ATP11A: variants seen among roughly 807,000 people sequenced by gnomAD.
The protein encoded by ATP11A is ATPase phospholipid transporting 11A.
Under a neutral mutation model 154.4 loss-of-function variants are expected in ATP11A, and 81 were observed. The ratio of observed to expected loss-of-function variants is 0.52; its 90% CI spans 0.44 to 0.63. The LOEUF is 0.63. ATP11A is among the 30% of genes least tolerant of loss of function. The pLI, the probability that ATP11A is intolerant of heterozygous loss-of-function variation, is 0.00. For synonymous variants in ATP11A, 623 were observed against 585.9 expected, an observed-to-expected ratio of 1.06 and a Z score of -0.91; for missense variants, 1,316 against 1,474.3, an observed-to-expected ratio of 0.89 and a Z score of 1.76.
chr13:112,873,485 G>C lies in ATP11A; in HGVS notation c.3058-88G>C, dbSNP rs941895963. ...GGTCTTGCGTTTGGTTTAGTTTCTCGTCACCCCCCGGCTCTCTGTCCTGCC... is the reference window on the plus strand; with the variant it reads ...GGTCTTGCGTTTGGTTTAGTTTCTCCTCACCCCCCGGCTCTCTGTCCTGCC... On this transcript the variant is annotated intron_variant, in intron 26 of 29. Coordinates refer to ENST00000375645, the MANE Select transcript of ATP11A (RefSeq NM_015205.3). 2.3e-5 allele frequency: 23 copies of C among 1,012,138 alleles called. No homozygotes were observed. In the African/African-American group the frequency reaches 2.8e-4, roughly 12 times the overall value. The allele number at this position is 1,012,138 out of a possible 1,614,324, so 62.7% of individuals were successfully genotyped here. A position where few individuals can be genotyped will look rare whatever the true frequency, so the allele number is the denominator to read the frequency against.
chr13:112,881,775 G>A lies in ATP11A; in HGVS notation c.*10-101G>A. 3 of 1,357,932 alleles carry A rather than the reference G, an allele frequency of 2.2e-6. No homozygotes were observed. The South Asian group carries it at 3.4e-5, about 16-fold the overall frequency. 84.1% of individuals were successfully genotyped at this position (1,357,932 alleles called of 1,614,324 possible). ...TCAGGTCACCCCAGGCAGCCCCGTG[G>A]GTATCCCTGAGACTGACCATGTGTC... is the stretch of plus-strand genomic sequence containing the variant. On this transcript the variant is annotated intron_variant, in intron 29 of 29. Transcript: ENST00000375645.
At chr13:112,797,458 G>A (rs999856850) in intron 2 of ATP11A, among the ~76,000 whole-genome samples, 6 of 152,000 alleles carry the variant, frequency 3.9e-5, no homozygotes, top group African/African-American at 1.5e-4. Context: ...TTTTTAAAAA[G>A]GGTACACCTA....
At chr13:112,791,158 C>G (rs888690407) in intron 2 of ATP11A, among the ~76,000 whole-genome samples, 1 of 152,246 alleles carries the variant, frequency 6.6e-6, no homozygotes, top group Non-Finnish European at 1.5e-5. Flanking sequence ...AAACATACTG[C>G]TTAGAACTCA....
intron 1 of ATP11A, among the ~76,000 whole-genome samples, chr13:112,776,800 T>C (rs2077359935): frequency 6.6e-6 from 1 of 152,144 alleles, no homozygotes; most frequent in South Asian, 2.1e-4. Flanking sequence ...TTTCGCCATA[T>C]TGGCCAGGCT....
At chr13:112,813,477 A>G (rs1236726114) in intron 5 of ATP11A, among the ~76,000 whole-genome samples, 1 of 152,198 alleles carries the variant, frequency 6.6e-6, no homozygotes, top group Non-Finnish European at 1.5e-5. Context: ...GCGTTCCATG[A>G]TGGGGGCGTA....
chr13:112,867,204 C>T (rs966217548), intron 25 of ATP11A, among the ~76,000 whole-genome samples: 1 of 152,194 alleles, frequency 6.6e-6, no homozygotes, highest in East Asian at 1.9e-4. Context: ...ACTACAACCA[C>T]CCTATCAGCT....
At chr13:112,718,483 C>G (rs75038008) in intron 1 of ATP11A, among the ~76,000 whole-genome samples, 14 of 152,226 alleles carry the variant, frequency 9.2e-5, no homozygotes, top group South Asian at 2.1e-4. Context: ...TGAAATACCC[C>G]CAGAGGGCAG....
Position 112,851,153 on chromosome 13 carries a change from A to T in ATP11A, c.1926A>T (p.Leu642Phe). ...KVALQDREKK[L>F]AEAYEQIEKD... is the part of the protein sequence containing the mutation. The stretch of plus-strand genomic sequence containing the variant: ...CCCTTCAAGATCGAGAGAAAAAGTT[A>T]GCAGAAGCCTATGAGCAAATAGAGA... Residue 642 changes from leucine to phenylalanine, a missense_variant, in exon 18 of 30, where the codon TTA becomes TTT. By Grantham distance (22) the Leu-to-Phe change is conservative. Around this residue, in one of 5 missense-constraint regions of ATP11A, gnomAD observed 876 missense variants for 1,006.8 expected, o/e 0.87. Coordinates refer to ENST00000375645, the MANE Select transcript of ATP11A (RefSeq NM_015205.3). 6.2e-7 allele frequency: 1 copy of T among 1,614,252 alleles called. No individual in the cohort carries two copies. The highest frequency in any genetic ancestry group is 8.5e-7 in the Non-Finnish European group (1 of 1,180,046).
intron 17 of ATP11A, among the ~76,000 whole-genome samples, chr13:112,847,872 G>A (rs546630253): frequency 1.3e-4 from 20 of 152,286 alleles, no homozygotes; most frequent in African/African-American, 4.8e-4. Context: ...GATCACTTGA[G>A]GCCAGAAGTT....
chr13:112,760,370 G>A (rs1455414874), intron 1 of ATP11A, among the ~76,000 whole-genome samples: 1 of 152,208 alleles, frequency 6.6e-6, no homozygotes, highest in Non-Finnish European at 1.5e-5. Flanking sequence ...GCATCCAGAA[G>A]CCCCCAGTAA....
At chr13:112,756,035 C>T (rs915197040) in intron 1 of ATP11A, among the ~76,000 whole-genome samples, 11 of 152,332 alleles carry the variant, frequency 7.2e-5, no homozygotes, top group African/African-American at 2.6e-4. Context: ...GAACCATTTC[C>T]GGTCACGGAA....
At chr13:112,858,335 C>A (rs376119053) in intron 22 of ATP11A, 45 bp downstream of exon 22, 1 of 1,576,098 alleles carries the variant, frequency 6.3e-7, no homozygotes, top group African/African-American at 1.3e-5. Context: ...CAACAGGTCA[C>A]GCACAGGGTG....
chr13:112,791,401 C>G (rs1025443037), intron 2 of ATP11A, among the ~76,000 whole-genome samples: 1 of 152,238 alleles, frequency 6.6e-6, no homozygotes, highest in Non-Finnish European at 1.5e-5. Flanking sequence ...CCCGACAGCC[C>G]CACATGCCTG....
chr13:112,865,329 T>C (rs2080292218), intron 25 of ATP11A, among the ~76,000 whole-genome samples: 5 of 152,028 alleles, frequency 3.3e-5, no homozygotes, highest in South Asian at 4.2e-4. Context: ...CCCGTGCAGC[T>C]TCCCAGCGGG....
At chr13:112,797,282 C>G (rs1178210942) in intron 2 of ATP11A, among the ~76,000 whole-genome samples, 3 of 53,330 alleles carry the variant, frequency 5.6e-5, no homozygotes, top group Non-Finnish European at 9.3e-5. Flanking sequence ...AAAACTCCAT[C>G]TCAAAAAAAA....
In ATP11A at chr13:112,882,044, CGT is replaced by C. The variant is rs2080899831; in HGVS notation, c.*182_*183del. On this transcript the variant is annotated 3_prime_UTR_variant, in exon 30 of 30. Transcript: ENST00000375645. This position sits in a 1 kb window ranked among gnomAD's most constrained non-coding sequence, Gnocchi z 5.1. ...CCCAAGTCACAGCTGCCCTAGGTCCCGTGTGGGAATGCTCGTGTGATGGATGG... is the reference window on the plus strand; with the variant it reads ...CCCAAGTCACAGCTGCCCTAGGTCCCGTGGGAATGCTCGTGTGATGGATGG... The C allele has an allele frequency of 2.2e-6, 3 of 1,367,758 alleles. No individual in the cohort carries two copies. In the South Asian group the frequency reaches 3.4e-5, roughly 16 times the overall value. 84.7% of individuals were successfully genotyped at this position (1,367,758 alleles called of 1,614,324 possible).
At chr13:112,768,414 C>T (rs966119837) in intron 1 of ATP11A, among the ~76,000 whole-genome samples, 3 of 152,220 alleles carry the variant, frequency 2.0e-5, no homozygotes, top group Non-Finnish European at 2.9e-5. Context: ...GGGTGCCTGC[C>T]GGATTTCAGA....
At chr13:112,769,913 T>C (rs2139937709) in intron 1 of ATP11A, among the ~76,000 whole-genome samples, 1 of 152,322 alleles carries the variant, frequency 6.6e-6, no homozygotes, top group South Asian at 2.1e-4. Flanking sequence ...AGCTGCTGCT[T>C]CACAGGCAGC....
chr13:112,840,934 A>C (rs1293286817), intron 16 of ATP11A, among the ~76,000 whole-genome samples: 1 of 152,032 alleles, frequency 6.6e-6, no homozygotes, highest in Admixed American at 6.5e-5. Context: ...TCCCCAGTAG[A>C]CTTCCCGAGG....
Sources: gnomAD v4.1 joint callset for allele counts (sites outside exome capture counted in the v4.1 genomes callset) on GRCh38, gnomAD v4.1.1 for gene constraint, gnomAD v4.1.1 regional missense constraint, Gnocchi (gnomAD v3.1) non-coding constraint, MANE v1.5 for transcripts, NCBI Gene and HGNC (gene_info 2026-07-23, HGNC 2026-07-21) for gene names.